The following EFNA5 variants were observed in gnomAD, a reference collection of about 807,000 sequenced individuals.
EFNA5 encodes the protein ephrin A5.
EFNA5 carries 5 observed loss-of-function variants against 22.9 expected under a neutral mutation model. The ratio of observed to expected loss-of-function variants is 0.22; its 90% CI spans 0.11 to 0.46. The LOEUF (loss-of-function observed/expected upper bound fraction) is 0.46. Ranked by LOEUF, EFNA5 falls within the 20% of genes least tolerant of loss-of-function variation. The pLI, the probability that EFNA5 is intolerant of heterozygous loss-of-function variation, is 0.99. For missense variants in EFNA5, 237 were observed against 293.3 expected, an observed-to-expected ratio of 0.81 and a Z score of 1.40; for synonymous variants, 113 against 112.2, an observed-to-expected ratio of 1.01 and a Z score of -0.04.
intron 1 of EFNA5, among the ~76,000 whole-genome samples, chr5:107,472,898 C>T (rs563066970): frequency 4.6e-5 from 7 of 152,264 alleles, no homozygotes; most frequent in East Asian, 3.9e-4. Context: ...ATGCAAATGT[C>T]GAGCTGATGA....
intron 1 of EFNA5, among the ~76,000 whole-genome samples, chr5:107,459,323 A>G (rs1398735560): frequency 6.6e-6 from 1 of 151,456 alleles, no homozygotes; most frequent in East Asian, 1.9e-4. Context: ...ACCACACTCC[A>G]GCCTGGGTGA....
intron 1 of EFNA5, among the ~76,000 whole-genome samples, chr5:107,434,361 G>A (rs1749053578): frequency 6.6e-6 from 1 of 152,158 alleles, no homozygotes; most frequent in Admixed American, 6.5e-5. Context: ...GACAGCTGGG[G>A]AGGCCACATT....
chr5:107,495,124 C>T (rs886586698), intron 1 of EFNA5, among the ~76,000 whole-genome samples: 1 of 152,196 alleles, frequency 6.6e-6, no homozygotes, highest in Admixed American at 6.5e-5. Context: ...AGGTCCCCTT[C>T]CACGCTGTGG....
intron 4 of EFNA5, among the ~76,000 whole-genome samples, chr5:107,385,701 A>G (rs1461278961): frequency 6.6e-6 from 1 of 151,828 alleles, no homozygotes; most frequent in Non-Finnish European, 1.5e-5. Flanking sequence ...TTGTTAAGGG[A>G]GATACTGAGT....
rs34585445 is a variant in EFNA5 at position 107,564,631 on chromosome 5, GTTTTTTTTTTT to G, written c.125+105847_125+105857del. On this transcript the variant is annotated intron_variant, in intron 1 of 4. Transcript: ENST00000333274. ...TTATTTTGTTTTTGTTTGGGTTTTT[GTTTTTTTTTTT>G]TTTTTTTTTGATCCTAACAGCCCCA... Among the ~76,000 whole-genome samples, 3 of 115,036 alleles carry G rather than the reference GTTTTTTTTTTT, an allele frequency of 2.6e-5. No individual in the cohort carries two copies. The Admixed American group carries it at 2.7e-4, about 10-fold the overall frequency. 75.5% of individuals were successfully genotyped at this position (115,036 alleles called of 152,430 possible).
intron 1 of EFNA5, among the ~76,000 whole-genome samples, chr5:107,438,997 G>A (rs554984870): frequency 3.3e-5 from 5 of 152,268 alleles, no homozygotes; most frequent in African/African-American, 1.2e-4. Flanking sequence ...TTTATGTCAT[G>A]GTATGGCTCT....
chr5:107,442,911 C>T (rs958007152), intron 1 of EFNA5, among the ~76,000 whole-genome samples: 17 of 117,096 alleles, frequency 1.5e-4, no homozygotes, highest in East Asian at 4.7e-4. Context: ...TCCCGAGGAG[C>T]GAAAGTTCCC....
intron 1 of EFNA5, among the ~76,000 whole-genome samples, chr5:107,436,262 A>G (rs1274566396): frequency 6.6e-6 from 1 of 152,198 alleles, no homozygotes; most frequent in Non-Finnish European, 1.5e-5. Context: ...GAGGAGTTTC[A>G]AAGGAAAGAA....
intron 2 of EFNA5, among the ~76,000 whole-genome samples, chr5:107,422,656 C>T (rs1311212876): frequency 2.6e-5 from 4 of 152,198 alleles, no homozygotes; most frequent in African/African-American, 9.7e-5. Context: ...CAGAATCAGG[C>T]AGACGGTGGT....
intron 1 of EFNA5, among the ~76,000 whole-genome samples, chr5:107,581,106 GAAC>G (rs1193844837): frequency 6.6e-6 from 1 of 152,176 alleles, no homozygotes; most frequent in African/African-American, 2.4e-5. Context: ...TTCAGGCTGT[GAAC>G]AACATTGCCA....
intron 1 of EFNA5, among the ~76,000 whole-genome samples, chr5:107,604,622 A>C (rs79192306): frequency 1.8e-3 from 277 of 152,344 alleles, no homozygotes; most frequent in African/African-American, 6.3e-3. Flanking sequence ...AACTTAAAAA[A>C]ATAAATATCA....
rs1748929490 is a variant in EFNA5, at chr5:107,430,770, CT to C, written c.126-3262del. ...TTGCCCCAGCAATTATTATTTCTTT[CT>C]TTCTTTTTTTTTTTTTTTTTTTTTG... is the stretch of plus-strand genomic sequence containing the variant. On this transcript the variant is annotated intron_variant, in intron 1 of 4. Transcript: ENST00000333274. 2.9e-5 allele frequency among the ~76,000 whole-genome samples: 3 copies of C among 104,782 alleles called. No homozygotes were observed. The South Asian group carries it at 9.3e-4, about 32-fold the overall frequency. The allele number at this position is 104,782 out of a possible 152,430, so 68.7% of individuals were successfully genotyped here.
intron 1 of EFNA5, among the ~76,000 whole-genome samples, chr5:107,485,949 C>T (rs1431497898): frequency 3.3e-5 from 5 of 152,092 alleles, no homozygotes; most frequent in East Asian, 1.9e-4. Flanking sequence ...GATACTGAAG[C>T]GAGCACGGCA....
At chr5:107,624,886 A>G (rs1341983845) in intron 1 of EFNA5, among the ~76,000 whole-genome samples, 3 of 152,154 alleles carry the variant, frequency 2.0e-5, no homozygotes, top group East Asian at 1.9e-4. Context: ...CACAAAAATT[A>G]TATTTTATAT....
At chr5:107,516,582 T>C (rs773265967) in intron 1 of EFNA5, among the ~76,000 whole-genome samples, 12 of 152,192 alleles carry the variant, frequency 7.9e-5, no homozygotes, top group Non-Finnish European at 1.5e-4. Flanking sequence ...CCCAAACTGC[T>C]TCTTTGATAC....
In EFNA5 at chr5:107,377,738, A is replaced by G. The variant is rs1313792686; in HGVS notation, c.*3517T>C. The G allele has an allele frequency of 6.6e-6, 1 of 152,244 alleles. No homozygotes were observed. Among genetic ancestry groups the G allele is most frequent in the Non-Finnish European group, 1.5e-5 (1 of 68,074 alleles). 9.4% of individuals were successfully genotyped at this position (152,244 alleles called of 1,614,324 possible). A position where few individuals can be genotyped will look rare whatever the true frequency, so the allele number is the denominator to read the frequency against. The stretch of plus-strand genomic sequence containing the variant: ...ATATTGATAAAGACTCTTCCTGGGA[A>G]AAAATAAAACAGTCCATGAAAACAA... On this transcript the variant is annotated 3_prime_UTR_variant, in exon 5 of 5. Coordinates refer to ENST00000333274, the MANE Select transcript of EFNA5 (RefSeq NM_001962.3).
intron 4 of EFNA5, among the ~76,000 whole-genome samples, chr5:107,385,457 G>A (rs1747589533): frequency 6.6e-6 from 1 of 152,120 alleles, no homozygotes; most frequent in Non-Finnish European, 1.5e-5. Flanking sequence ...TCATAATCCT[G>A]GGTAATTTTT....
chr5:107,418,215 G>A (rs998045094), intron 2 of EFNA5, among the ~76,000 whole-genome samples: 1 of 152,162 alleles, frequency 6.6e-6, no homozygotes. Flanking sequence ...AGTCAATGAA[G>A]TATAAACACT....
intron 2 of EFNA5, among the ~76,000 whole-genome samples, chr5:107,402,111 T>C (rs1226358906): frequency 6.6e-6 from 1 of 152,210 alleles, no homozygotes; most frequent in Admixed American, 6.5e-5. Context: ...ACAGGACTCC[T>C]TGGAGATATG....
Sources: allele counts gnomAD v4.1 joint callset (sites outside exome capture counted in the v4.1 genomes callset), GRCh38; gene constraint gnomAD v4.1.1; transcripts MANE v1.5; gene names NCBI Gene and HGNC (gene_info 2026-07-23, HGNC 2026-07-21).